ICA1: variants seen among roughly 807,000 people sequenced by gnomAD.
ICA1 encodes 69 kDa islet cell autoantigen.
ICA1 carries 40 observed loss-of-function variants against 71.0 expected under a neutral mutation model. The observed-to-expected ratio is 0.56, with a 90% confidence interval of 0.44 to 0.73. ICA1 has a LOEUF of 0.73. ICA1 is among the 30% of genes least tolerant of loss of function. ICA1 has a pLI of 0.00. For missense variants in ICA1, 578 were observed against 576.5 expected (o/e 1.00, Z -0.03); for synonymous variants, 207 against 209.5 (o/e 0.99, Z 0.10).
chr7:8,225,145 C>G (rs1408870774), intron 4 of ICA1, among the ~76,000 whole-genome samples: 1 of 152,152 alleles, frequency 6.6e-6, no homozygotes. Context: ...CTCACTAATT[C>G]TAACACTCTT....
In ICA1 at chr7:8,132,179, C is replaced by T. The variant is rs1277329135; in HGVS notation, c.1061-4037G>A. 6.6e-6 allele frequency among the ~76,000 whole-genome samples: 1 copy of T among 152,212 alleles called. No individual in the cohort carries two copies. The highest frequency in any genetic ancestry group is 6.5e-5 in the Admixed American group (1 of 15,290). On this transcript the variant is annotated intron_variant, in intron 12 of 13. Coordinates refer to ENST00000402384, the MANE Select transcript of ICA1 (RefSeq NM_001136020.3). This position sits in a 1 kb window ranked among gnomAD's most constrained non-coding sequence, Gnocchi z 4.5. ...CCTCACCTGTCTCCAACTCCGTGAC[C>T]TTGCAGGCATTGCCTCTCCTTTCTA...
In ICA1 at chr7:8,173,124, T is replaced by G. The variant is rs1469872824; in HGVS notation, c.580-14472A>C. Among the ~76,000 whole-genome samples, 2 of 152,192 alleles carry G rather than the reference T, an allele frequency of 1.3e-5. No individual in the cohort carries two copies. Among genetic ancestry groups the G allele is most frequent in the African/African-American group, 4.8e-5 (2 of 41,452 alleles). ...TAAAGGTCTACAAGTAACGGCTAAC[T>G]TAGAAGCAATGAGGTCACGGCCTCT... On this transcript the variant is annotated intron_variant, in intron 6 of 13. Coordinates refer to ENST00000402384, the MANE Select transcript of ICA1 (RefSeq NM_001136020.3). This position sits in a 1 kb window ranked among gnomAD's most constrained non-coding sequence, Gnocchi z 4.0.
chr7:8,146,857 TACACACACAC>T (rs112979260), intron 8 of ICA1, among the ~76,000 whole-genome samples: 91 of 125,480 alleles, frequency 7.3e-4, no homozygotes, highest in African/African-American at 2.5e-3. Flanking sequence ...TTTATTCATG[TACACACACAC>T]ACACACACAC....
chr7:8,133,243 A>C (rs1161319119), intron 12 of ICA1, among the ~76,000 whole-genome samples: 1 of 152,160 alleles, frequency 6.6e-6, no homozygotes, highest in African/African-American at 2.4e-5. Flanking sequence ...TCCCCTCAGA[A>C]TTGGACATTT....
intron 13 of ICA1, among the ~76,000 whole-genome samples, chr7:8,118,113 T>C (rs1255341827): frequency 6.6e-6 from 1 of 152,246 alleles, no homozygotes; most frequent in African/African-American, 2.4e-5. Context: ...TTTTAAGAGA[T>C]GGCAAAGCAG....
intron 7 of ICA1, 114 bp downstream of exon 7, chr7:8,158,413 A>C: frequency 1.5e-6 from 2 of 1,298,140 alleles, no homozygotes; most frequent in South Asian, 1.4e-5. Flanking sequence ...AAATTACGGA[A>C]AGGCATTCAG....
chr7:8,153,674 T>TATGGCAA (rs1800455936), intron 8 of ICA1, among the ~76,000 whole-genome samples: 2 of 152,092 alleles, frequency 1.3e-5, no homozygotes, highest in Non-Finnish European at 2.9e-5. Flanking sequence ...CATAAACTCT[T>TATGGCAA]AGTCTAAGTT....
rs750358894 is a variant in ICA1, at chr7:8,235,908, A to G, written c.17+2T>C. ...ATTCAGAAAAGATGACAAATTACTT[A>G]CCATTTGTGTCCTGACATGTTTTCT... On this transcript the variant is annotated splice_donor_variant, in intron 2 of 13. Transcript: ENST00000402384. LOFTEE classifies it high-confidence loss of function. 6.2e-7 allele frequency: 1 copy of G among 1,613,136 alleles called. No homozygotes were observed. Among genetic ancestry groups the G allele is most frequent in the East Asian group, 2.2e-5 (1 of 44,794 alleles).
intron 6 of ICA1, among the ~76,000 whole-genome samples, chr7:8,217,333 T>C (rs1362850378): frequency 6.6e-6 from 1 of 152,208 alleles, no homozygotes; most frequent in Admixed American, 6.5e-5. Flanking sequence ...AGGTCAAGAA[T>C]TGGTGACCGT....
intron 6 of ICA1, among the ~76,000 whole-genome samples, chr7:8,214,833 T>C (rs1046107811): frequency 5.9e-5 from 9 of 152,314 alleles, no homozygotes; most frequent in Non-Finnish European, 1.0e-4. Flanking sequence ...GAAGACACTA[T>C]GAAAAAAGCC....
At chr7:8,239,563 C>A (rs1215753731) in intron 1 of ICA1, among the ~76,000 whole-genome samples, 2 of 152,304 alleles carry the variant, frequency 1.3e-5, no homozygotes, top group East Asian at 3.9e-4. Context: ...TGGGTGCAAC[C>A]CACAGAGGGT....
At chr7:8,189,289 G>A (rs1784824223) in intron 6 of ICA1, among the ~76,000 whole-genome samples, 1 of 152,180 alleles carries the variant, frequency 6.6e-6, no homozygotes, top group Non-Finnish European at 1.5e-5. Context: ...ATCAATTGGG[G>A]TCATTATACT....
At chr7:8,251,631 A>G (rs889158116) in intron 1 of ICA1, among the ~76,000 whole-genome samples, 1 of 151,976 alleles carries the variant, frequency 6.6e-6, no homozygotes, top group African/African-American at 2.4e-5. Context: ...AAGTTCACAT[A>G]GAGGAATGCT....
chr7:8,231,798 C>T (rs971202552), intron 3 of ICA1, among the ~76,000 whole-genome samples: 3 of 152,190 alleles, frequency 2.0e-5, no homozygotes, highest in Non-Finnish European at 2.9e-5. Context: ...TAACATTTCC[C>T]CTTAACCCTC....
At position 8,145,757 on chromosome 7, in the gene ICA1, T is replaced by TAC. The variant is rs1319280295; in HGVS notation, c.805-1786_805-1785insGT. On this transcript the variant is annotated intron_variant, in intron 8 of 13. Coordinates refer to ENST00000402384, the MANE Select transcript of ICA1 (RefSeq NM_001136020.3). The stretch of plus-strand genomic sequence containing the variant: ...TGATTGGAATCATTGTGTATATATA[T>TAC]ATATATATATGTATATAAAATATAT... Among the ~76,000 whole-genome samples the TAC allele has an allele frequency of 1.5e-3, 124 of 84,410 alleles. 4 individuals are homozygous for TAC. The highest frequency in any genetic ancestry group is 3.8e-3 in the African/African-American group (110 of 29,054). The allele number at this position is 84,410 out of a possible 152,430, so 55.4% of individuals were successfully genotyped here.
In ICA1 at chr7:8,198,646, C is replaced by T. The variant is rs542817377; in HGVS notation, c.579+19659G>A. Reference sequence around the variant, plus strand: ...AGCCGAGATGACAGACTTAAGAAGACATAGATCTGGAAAATATTTGGAAGG... The same window carrying T: ...AGCCGAGATGACAGACTTAAGAAGATATAGATCTGGAAAATATTTGGAAGG... On this transcript the variant is annotated intron_variant, in intron 6 of 13. Coordinates refer to ENST00000402384, the MANE Select transcript of ICA1 (RefSeq NM_001136020.3). Among the ~76,000 whole-genome samples, 3 of 152,290 alleles carry T rather than the reference C, an allele frequency of 2.0e-5. No homozygotes were observed. The South Asian group carries it at 6.2e-4, about 32-fold the overall frequency.
intron 6 of ICA1, 60 bp from the exon 7 acceptor site, chr7:8,158,712 G>A: frequency 6.5e-7 from 1 of 1,547,054 alleles, no homozygotes; most frequent in Admixed American, 1.8e-5. Context: ...AAAATTTGCA[G>A]GTGAAATGAG....
intron 6 of ICA1, among the ~76,000 whole-genome samples, chr7:8,186,172 G>T (rs1428788863): frequency 6.6e-6 from 1 of 152,196 alleles, no homozygotes; most frequent in Admixed American, 6.5e-5. Context: ...AAAGGAACAG[G>T]GGGAGGAGAC....
intron 1 of ICA1, among the ~76,000 whole-genome samples, chr7:8,260,537 A>G (rs140662178): frequency 0.014 from 2,076 of 152,346 alleles, 15 homozygotes; most frequent in Non-Finnish European, 0.023. Flanking sequence ...CGTTTTCTAA[A>G]GATTCATCTT....
Sources: gnomAD v4.1 joint callset for allele counts (sites outside exome capture counted in the v4.1 genomes callset) on GRCh38, gnomAD v4.1.1 for gene constraint, Gnocchi (gnomAD v3.1) non-coding constraint, MANE v1.5 for transcripts, NCBI Gene and HGNC (gene_info 2026-07-23, HGNC 2026-07-21) for gene names.